ZZEF1: variants seen among roughly 807,000 people sequenced by gnomAD.
ZZEF1 encodes the protein zinc finger ZZ-type and EF-hand domain containing 1, also known as zinc finger ZZ-type and EF-hand domain-containing protein 1.
In ZZEF1, 157 loss-of-function variants were observed where a neutral mutation model predicts 342.8. That is an observed-to-expected ratio of 0.46 (90% CI 0.40 to 0.52). The LOEUF is 0.52. Among genes scored for constraint, ZZEF1 ranks in the 20% least tolerant of loss-of-function variants. ZZEF1 has a pLI of 0.00. For synonymous variants in ZZEF1, 1,505 were observed against 1,429.1 expected, an observed-to-expected ratio of 1.05 and a Z score of -1.20; for missense variants, 3,480 against 3,725.6, an observed-to-expected ratio of 0.93 and a Z score of 1.72.
At chr17:4,132,273 T>C (rs2145589826) in intron 1 of ZZEF1, among the ~76,000 whole-genome samples, 1 of 150,502 alleles carries the variant, frequency 6.6e-6, no homozygotes, top group South Asian at 2.1e-4. Flanking sequence ...AACCTCGGCC[T>C]CCAGAGTTCA....
At chr17:4,128,345 T>TAAA (rs74340131) in intron 1 of ZZEF1, among the ~76,000 whole-genome samples, 29 of 81,548 alleles carry the variant, frequency 3.6e-4, no homozygotes, top group African/African-American at 1.3e-3. Context: ...CAGACTGTCT[T>TAAA]AAAAAAAAAA....
intron 12 of ZZEF1, 43 bp downstream of exon 12, chr17:4,090,675 AG>A: frequency 2.0e-6 from 3 of 1,499,388 alleles, no homozygotes; most frequent in South Asian, 1.1e-5. Flanking sequence ...CAAAAAACAC[AG>A]AATAAAAGGA....
At chr17:4,117,421 G>A (rs1018842160) in intron 2 of ZZEF1, among the ~76,000 whole-genome samples, 2 of 152,130 alleles carry the variant, frequency 1.3e-5, no homozygotes, top group Non-Finnish European at 2.9e-5. Context: ...CGAGGCGGAC[G>A]GATGACCTGA....
chr17:4,044,427 C>A (rs574191722), intron 37 of ZZEF1, 53 bp from the exon 38 acceptor site: 1 of 1,524,784 alleles, frequency 6.6e-7, no homozygotes, highest in South Asian at 1.2e-5. Context: ...AAAGTTTGCT[C>A]CATGATTATG....
At chr17:4,033,255 T>C (rs1417361057) in intron 40 of ZZEF1, 1 of 411,756 alleles carries the variant, frequency 2.4e-6, no homozygotes, top group Non-Finnish European at 4.4e-6. Context: ...TGTGTGCACA[T>C]GCACACTCAT....
intron 30 of ZZEF1, among the ~76,000 whole-genome samples, chr17:4,060,973 T>C (rs1278432148): frequency 6.6e-6 from 1 of 152,196 alleles, no homozygotes; most frequent in Non-Finnish European, 1.5e-5. Flanking sequence ...AGAAGTACTC[T>C]TACATCTCTT....
chr17:4,085,997 T>C (rs1262831567), intron 15 of ZZEF1, among the ~76,000 whole-genome samples, 194 bp from the exon 16 acceptor site: 3 of 152,240 alleles, frequency 2.0e-5, no homozygotes, highest in Non-Finnish European at 4.4e-5. Flanking sequence ...AAAGACCGTA[T>C]GTATCAGTTT....
chr17:4,061,384 G>C (rs541043326), intron 30 of ZZEF1, among the ~76,000 whole-genome samples: 1 of 152,138 alleles, frequency 6.6e-6, no homozygotes, highest in African/African-American at 2.4e-5. Context: ...AGGTAAAGAA[G>C]TGTCCCTAAG....
chr17:4,074,902 G>A (rs1053631390), intron 23 of ZZEF1, among the ~76,000 whole-genome samples, 195 bp downstream of exon 23: 2 of 152,248 alleles, frequency 1.3e-5, no homozygotes, highest in African/African-American at 2.4e-5. Flanking sequence ...AGGCATGGCT[G>A]TGTTCCAAAA....
intron 5 of ZZEF1, among the ~76,000 whole-genome samples, chr17:4,111,698 A>G (rs868096244): frequency 1.3e-5 from 2 of 148,482 alleles, no homozygotes; most frequent in African/African-American, 2.5e-5. Context: ...TATTACACAT[A>G]TAAGCATACA....
intron 21 of ZZEF1, chr17:4,075,966 TATA>T (rs1378241478): frequency 6.6e-6 from 1 of 150,918 alleles, no homozygotes; most frequent in Non-Finnish European, 1.5e-5. Context: ...GTTATGTATG[TATA>T]ATTAAGTAAG....
Position 4,017,221 on chromosome 17 carries a change from T to C in ZZEF1, c.8001+150A>G, listed in dbSNP as rs2056129593. ...CACTAGCCCAATCCTTGGGAGAGGA[T>C]ACAGTGACCCTACCTTTGCTGCATT... On this transcript the variant is annotated intron_variant, in intron 48 of 54. Coordinates refer to ENST00000381638, the MANE Select transcript of ZZEF1 (RefSeq NM_015113.4). This position sits in a 1 kb window ranked among gnomAD's most constrained non-coding sequence, Gnocchi z 5.1. The C allele has an allele frequency of 1.8e-6, 2 of 1,123,282 alleles. No homozygotes were observed. Among genetic ancestry groups the C allele is most frequent in the Non-Finnish European group, 2.5e-6 (2 of 809,160 alleles). 69.6% of individuals were successfully genotyped at this position (1,123,282 alleles called of 1,614,324 possible).
In ZZEF1 at chr17:4,013,629, A is replaced by C; in HGVS notation, c.8414-15T>G. The C allele has an allele frequency of 6.2e-7, 1 of 1,605,948 alleles. No homozygotes were observed. Among genetic ancestry groups the C allele is most frequent in the Non-Finnish European group, 8.5e-7 (1 of 1,174,980 alleles). On this transcript the variant is annotated splice_polypyrimidine_tract_variant and intron_variant, in intron 51 of 54. Transcript: ENST00000381638. ...AATCTCGAATCCTGGCCAACACCCC[A>C]AAACACGGATATATAAACAGAGATA...
At position 4,126,131 on chromosome 17, in the gene ZZEF1, C is replaced by T. The variant is rs545980951; in HGVS notation, c.355-2080G>A. On this transcript the variant is annotated intron_variant, in intron 1 of 54. Transcript: ENST00000381638. ...ATCCCAGCTACTTGGGAGGCTGAGG[C>T]AGAGAATTGCTTGAACCCAGGAGGC... Among the ~76,000 whole-genome samples the T allele has an allele frequency of 1.4e-3, 209 of 149,448 alleles. 1 individual carries two copies. Among genetic ancestry groups the T allele is most frequent in the African/African-American group, 4.8e-3 (196 of 40,554 alleles).
At chr17:4,100,126 C>T (rs921889654) in intron 9 of ZZEF1, among the ~76,000 whole-genome samples, 3 of 152,156 alleles carry the variant, frequency 2.0e-5, no homozygotes, top group African/African-American at 7.2e-5. Context: ...AGTGGTACTT[C>T]CCCACTGTTG....
chr17:4,097,567 AT>A (rs1278012145), intron 9 of ZZEF1, among the ~76,000 whole-genome samples: 1 of 151,214 alleles, frequency 6.6e-6, no homozygotes, highest in Non-Finnish European at 1.5e-5. Context: ...TCTCTAAACT[AT>A]TTTACAATTC....
intron 2 of ZZEF1, among the ~76,000 whole-genome samples, chr17:4,120,605 T>C (rs1374472246): frequency 6.6e-6 from 1 of 152,150 alleles, no homozygotes; most frequent in African/African-American, 2.4e-5. Context: ...GAGCTTCATA[T>C]TTAGGATACT....
chr17:4,054,018 T>G, intron 34 of ZZEF1, 39 bp downstream of exon 34: 6 of 1,569,756 alleles, frequency 3.8e-6, no homozygotes, highest in Non-Finnish European at 5.2e-6. Context: ...AGAAGTGATA[T>G]TGCCTTTGGA....
At chr17:4,104,299 A>G (rs1176208820) in intron 8 of ZZEF1, among the ~76,000 whole-genome samples, 1 of 152,118 alleles carries the variant, frequency 6.6e-6, no homozygotes, top group African/African-American at 2.4e-5. Context: ...GGCCTACACA[A>G]TGAGACACTT....
Sources: gnomAD v4.1 joint callset for allele counts (sites outside exome capture counted in the v4.1 genomes callset) on GRCh38, gnomAD v4.1.1 for gene constraint, Gnocchi (gnomAD v3.1) non-coding constraint, MANE v1.5 for transcripts, NCBI Gene and HGNC (gene_info 2026-07-23, HGNC 2026-07-21) for gene names.